Variants in HHIPL1 observed in about 807,000 individuals in gnomAD.
The protein encoded by HHIPL1 is HHIP-like protein 1.
A neutral mutation model predicts 61.8 loss-of-function variants in HHIPL1; 43 were observed. That is an observed-to-expected ratio of 0.70 (90% CI 0.55 to 0.90). HHIPL1 has a LOEUF of 0.90. Among genes scored for constraint, HHIPL1 ranks in the 40% least tolerant of loss-of-function variants. HHIPL1 has a pLI of 0.00. For synonymous variants in HHIPL1, 482 were observed against 515.8 expected, an observed-to-expected ratio of 0.93 and a Z score of 0.89; for missense variants, 1,056 against 1,157.7, an observed-to-expected ratio of 0.91 and a Z score of 1.28.
chr14:99,621,712 T>TC, the HHIPL1 span, among the ~76,000 whole-genome samples: 1 of 112,788 alleles, frequency 8.9e-6, no homozygotes, highest in African/African-American at 3.4e-5. Context: ...TTCTTTTCTT[T>TC]TTTTTTTTTT....
Position 99,660,526 on chromosome 14 carries a change from C to A in HHIPL1, c.1502+120C>A, listed in dbSNP as rs369512969. The A allele has an allele frequency of 3.7e-5, 48 of 1,299,314 alleles. 2 individuals are homozygous for A. In the South Asian group the frequency reaches 6.5e-4, roughly 18 times the overall value. The allele number at this position is 1,299,314 out of a possible 1,614,324, so 80.5% of individuals were successfully genotyped here. A position where few individuals can be genotyped will look rare whatever the true frequency, so the allele number is the denominator to read the frequency against. ...CTGCACATGTGCCTCGCTGCTCTGA[C>A]AGGGGCCCCTAGGTGTGGGCCGGAC... is the stretch of plus-strand genomic sequence containing the variant. On this transcript the variant is annotated intron_variant, in intron 5 of 8. Transcript: ENST00000330710. The surrounding 1 kb of genome is among the most constrained non-coding windows in gnomAD (Gnocchi z 4.9).
chr14:99,633,150 C>T, the HHIPL1 span, among the ~76,000 whole-genome samples: 2 of 152,296 alleles, frequency 1.3e-5, no homozygotes, highest in East Asian at 3.9e-4. Flanking sequence ...AACTACTCCT[C>T]AATCAGCCCC....
Position 99,660,147 on chromosome 14 carries a change from A to G in HHIPL1, c.1376-133A>G. ...CCACCACGCCAGCCCTGCTGTGGGC[A>G]CGCCAGCCCTGCTGTGGGCACGCCC... On this transcript the variant is annotated intron_variant, in intron 4 of 8. Transcript: ENST00000330710. The surrounding 1 kb of genome is among the most constrained non-coding windows in gnomAD (Gnocchi z 4.9). 9.2e-7 allele frequency: 1 copy of G among 1,090,256 alleles called. No individual in the cohort carries two copies. The highest frequency in any genetic ancestry group is 1.3e-6 in the Non-Finnish European group (1 of 758,724). 67.5% of individuals were successfully genotyped at this position (1,090,256 alleles called of 1,614,324 possible).
At chr14:99,669,379 ACGCAAGG>A in intron 7 of HHIPL1, 1 of 980,262 alleles carries the variant, frequency 1.0e-6, no homozygotes, top group Non-Finnish European at 1.2e-6. Context: ...CTTGTCTCTA[ACGCAAGG>A]CCTGAGGTTG....
chr14:99,642,830 T>G (rs1403861935), upstream of HHIPL1, among the ~76,000 whole-genome samples: 1 of 152,056 alleles, frequency 6.6e-6, no homozygotes, highest in African/African-American at 2.4e-5. Context: ...GGCCTTCATT[T>G]TTTTTCTTAA....
In HHIPL1 at chr14:99,645,320, T is replaced by C. The variant is rs922009572; in HGVS notation, c.113T>C (p.Leu38Pro). The C allele has an allele frequency of 2.9e-5, 42 of 1,457,698 alleles. No individual in the cohort carries two copies. The highest frequency in any genetic ancestry group is 3.4e-5 in the Non-Finnish European group (38 of 1,109,848). 90.3% of individuals were successfully genotyped at this position (1,457,698 alleles called of 1,614,324 possible). Residue 38 changes from leucine to proline, a missense_variant, in exon 1 of 9, where the codon CTC becomes CCC. Coordinates refer to ENST00000330710, the MANE Select transcript of HHIPL1 (RefSeq NM_001127258.3). The stretch of plus-strand genomic sequence containing the variant: ...TTCCGGCCGACGCAGCCGCTGCGCC[T>C]CTGCGCGCAGTACTCGGACTTCGGC... ...PPFRPTQPLRLCAQYSDFGCC... is the reference protein window; with the variant it reads ...PPFRPTQPLRPCAQYSDFGCC...
chr14:99,670,111 T>G (rs77467832), intron 7 of HHIPL1, among the ~76,000 whole-genome samples: 20,604 of 150,598 alleles, frequency 0.14, 1,689 homozygotes, highest in East Asian at 0.27. Flanking sequence ...CTCCAGTCTT[T>G]TACTTTTTTT....
At chr14:99,672,456 C>T (rs565777390) in intron 8 of HHIPL1, 57 bp downstream of exon 8, 30 of 1,427,526 alleles carry the variant, frequency 2.1e-5, no homozygotes, top group South Asian at 3.7e-5. Context: ...CAGCCCACAA[C>T]GGCTGCCTTT....
chr14:99,645,574 C>T, intron 1 of HHIPL1, 112 bp downstream of exon 1: 1 of 1,124,982 alleles, frequency 8.9e-7, no homozygotes, highest in Non-Finnish European at 1.1e-6. Context: ...GACTCGGGAA[C>T]TCTAAGCCCC....
the HHIPL1 span, among the ~76,000 whole-genome samples, chr14:99,635,497 C>T: frequency 1.3e-5 from 2 of 152,246 alleles, no homozygotes; most frequent in East Asian, 1.9e-4. Context: ...TGGGGCTGGG[C>T]CTTTTCCTCC....
chr14:99,652,153 A>T (rs1595150557), intron 1 of HHIPL1, 71 bp from the exon 2 acceptor site: 3 of 1,432,008 alleles, frequency 2.1e-6, no homozygotes, highest in Non-Finnish European at 2.8e-6. Context: ...GAGATGGGGG[A>T]CCCGCCCAAG....
the HHIPL1 span, among the ~76,000 whole-genome samples, chr14:99,607,302 CTT>C: frequency 1.3e-5 from 2 of 152,224 alleles, no homozygotes; most frequent in East Asian, 3.9e-4. Context: ...GCCTCAGTGA[CTT>C]TGCTTCTTAA....
the HHIPL1 span, among the ~76,000 whole-genome samples, chr14:99,636,654 A>G: frequency 1.3e-5 from 2 of 152,004 alleles, no homozygotes; most frequent in African/African-American, 4.8e-5. Context: ...CGAATCTCCA[A>G]CACCAGATGG....
intron 3 of HHIPL1, 86 bp downstream of exon 3, chr14:99,657,229 G>C: frequency 6.8e-7 from 1 of 1,465,922 alleles, no homozygotes; most frequent in Non-Finnish European, 9.4e-7. Context: ...TTCCTTCCTC[G>C]GCCAGGCATT....
At chr14:99,611,705 G>GCCTCCTAAA in the HHIPL1 span, among the ~76,000 whole-genome samples, 7 of 150,756 alleles carry the variant, frequency 4.6e-5, no homozygotes, top group East Asian at 1.4e-3. Flanking sequence ...TGGGATTTCA[G>GCCTCCTAAA]GTGGGAGCCA....
At chr14:99,612,395 C>G in the HHIPL1 span, among the ~76,000 whole-genome samples, 2 of 152,180 alleles carry the variant, frequency 1.3e-5, no homozygotes, top group Non-Finnish European at 2.9e-5. Flanking sequence ...GGCCAAATTT[C>G]ATACTGGAGG....
chr14:99,653,469 A>G (rs989459773), intron 2 of HHIPL1, among the ~76,000 whole-genome samples: 2 of 152,154 alleles, frequency 1.3e-5, no homozygotes, highest in African/African-American at 4.8e-5. Flanking sequence ...AGTAACTGGG[A>G]CTACAGGCAC....
chr14:99,621,042 G>A, the HHIPL1 span, among the ~76,000 whole-genome samples: 1 of 152,220 alleles, frequency 6.6e-6, no homozygotes, highest in Non-Finnish European at 1.5e-5. Context: ...GGAAGTGCTT[G>A]CTGTGAGCAC....
At chr14:99,665,641 C>T (rs888488302) in intron 6 of HHIPL1, among the ~76,000 whole-genome samples, 4 of 152,116 alleles carry the variant, frequency 2.6e-5, no homozygotes, top group Non-Finnish European at 5.9e-5. Context: ...TACTGTGTTG[C>T]CTAGGCAGGT....
Sources: gnomAD v4.1 joint callset for allele counts (sites outside exome capture counted in the v4.1 genomes callset) on GRCh38, gnomAD v4.1.1 for gene constraint, Gnocchi (gnomAD v3.1) non-coding constraint, MANE v1.5 for transcripts, NCBI Gene and HGNC (gene_info 2026-07-23, HGNC 2026-07-21) for gene names.